The following RALB variants were observed in gnomAD, a reference collection of about 807,000 sequenced individuals.
RALB encodes the protein RAS like proto-oncogene B, also known as ras-related protein Ral-B.
A neutral mutation model predicts 21.3 loss-of-function variants in RALB; 16 were observed. That is an observed-to-expected ratio of 0.75 (90% CI 0.51 to 1.14). RALB has a LOEUF of 1.14. Ranked by LOEUF, RALB falls within the 50% of genes most tolerant of loss-of-function variation. The pLI, the probability that RALB is intolerant of heterozygous loss-of-function variation, is 0.00. For missense variants in RALB, 161 were observed against 256.2 expected (o/e 0.63, Z 2.54); for synonymous variants, 93 against 96.1 (o/e 0.97, Z 0.19).
chr2:120,285,157 T>G (rs1690099300), intron 2 of RALB, among the ~76,000 whole-genome samples: 2 of 152,074 alleles, frequency 1.3e-5, no homozygotes, highest in Non-Finnish European at 2.9e-5. Flanking sequence ...AGCAAACATG[T>G]CCTTCACAAG....
intron 1 of RALB, among the ~76,000 whole-genome samples, chr2:120,253,996 G>A (rs1300682169): frequency 1.3e-5 from 2 of 152,146 alleles, no homozygotes; most frequent in African/African-American, 4.8e-5. Context: ...AAGATTGTTG[G>A]ATGTCAAAGC....
chr2:120,272,264 G>A (rs574206181), intron 1 of RALB, among the ~76,000 whole-genome samples: 262 of 152,294 alleles, frequency 1.7e-3, no homozygotes, highest in African/African-American at 6.1e-3. Flanking sequence ...CTACCCTTAT[G>A]ATCTTATGGT....
In RALB at chr2:120,292,433, C is replaced by G. The variant is rs1040869001; in HGVS notation, c.502-708C>G. On this transcript the variant is annotated intron_variant, in intron 4 of 4. Coordinates refer to ENST00000272519, the MANE Select transcript of RALB (RefSeq NM_002881.3). ...CTGTCATGCATAATGATGTTCCAAC[C>G]TCCATGGGGTCCTTGTAAGGATTAA... 2.0e-5 allele frequency among the ~76,000 whole-genome samples: 3 copies of G among 152,160 alleles called. No homozygotes were observed. The South Asian group carries it at 6.2e-4, about 32-fold the overall frequency.
intron 1 of RALB, among the ~76,000 whole-genome samples, chr2:120,268,914 CTTTG>C (rs1689574417): frequency 7.1e-6 from 1 of 140,204 alleles, no homozygotes; most frequent in African/African-American, 2.8e-5. Flanking sequence ...TACAATAATT[CTTTG>C]TTTATATATA....
At chr2:120,283,048 T>A (rs933601354) in intron 2 of RALB, among the ~76,000 whole-genome samples, 1 of 151,964 alleles carries the variant, frequency 6.6e-6, no homozygotes, top group Non-Finnish European at 1.5e-5. Flanking sequence ...CTGAATAATA[T>A]TGGTGGAGTT....
chr2:120,251,632 T>C (rs997025253), upstream of RALB, among the ~76,000 whole-genome samples: 12 of 152,230 alleles, frequency 7.9e-5, no homozygotes, highest in African/African-American at 2.9e-4. Context: ...ATTCCTCTTC[T>C]AGGTTATAAA....
chr2:120,267,978 G>A (rs1689544477), intron 1 of RALB, among the ~76,000 whole-genome samples: 1 of 152,094 alleles, frequency 6.6e-6, no homozygotes, highest in Admixed American at 6.6e-5. Flanking sequence ...TTTTAGTAGA[G>A]ACGGGGTTTC....
In RALB at chr2:120,252,893, G is replaced by C. The variant is rs745372350; in HGVS notation, c.-135G>C. ...GCTCAATGACAAATCGGTGGAGGAC[G>C]GCTGGGGTCCGGCCCCGGGAGGGGG... On this transcript the variant is annotated 5_prime_UTR_variant, in exon 1 of 5. Coordinates refer to ENST00000272519, the MANE Select transcript of RALB (RefSeq NM_002881.3). The C allele has an allele frequency of 1.8e-4, 174 of 985,566 alleles. No individual in the cohort carries two copies. The highest frequency in any genetic ancestry group is 2.0e-4 in the Non-Finnish European group (170 of 830,042). 61.1% of individuals were successfully genotyped at this position (985,566 alleles called of 1,614,324 possible).
Position 120,293,271 on chromosome 2 carries a change from G to A in RALB, c.*11G>A. On this transcript the variant is annotated 3_prime_UTR_variant, in exon 5 of 5. Transcript: ENST00000272519. ...TGTTGCTTACTATGAGTGTCAAGGT[G>A]ACGGATGAAGCCAGCTGCTCCTAAG... is the stretch of plus-strand genomic sequence containing the variant. 1 of 1,606,728 alleles carries A rather than the reference G, an allele frequency of 6.2e-7. No homozygotes were observed. Among genetic ancestry groups the A allele is most frequent in the Non-Finnish European group, 8.5e-7 (1 of 1,176,390 alleles).
chr2:120,252,181 G>A (rs1689069666), upstream of RALB, among the ~76,000 whole-genome samples: 1 of 152,146 alleles, frequency 6.6e-6, no homozygotes, highest in Non-Finnish European at 1.5e-5. Flanking sequence ...AGCTGTACTG[G>A]ATACAAAATC....
At chr2:120,241,738 A>AAAAAC (rs1242316346) in intron 1 of RALB, among the ~76,000 whole-genome samples, 2 of 152,162 alleles carry the variant, frequency 1.3e-5, no homozygotes, top group African/African-American at 2.4e-5. Context: ...AAAAAAACAA[A>AAAAAC]AAAACAAAAC....
At chr2:120,248,974 G>C (rs1410650709), upstream of RALB, among the ~76,000 whole-genome samples, 1 of 151,584 alleles carries the variant, frequency 6.6e-6, no homozygotes, top group Non-Finnish European at 1.5e-5. Flanking sequence ...CTGACCCAGA[G>C]TAATCTTTTT....
At chr2:120,244,775 G>T (rs1443278205) in intron 1 of RALB, among the ~76,000 whole-genome samples, 1 of 152,206 alleles carries the variant, frequency 6.6e-6, no homozygotes, top group African/African-American at 2.4e-5. Context: ...ATGACCTCTG[G>T]TTAGCCAGAG....
At chr2:120,277,878 T>TGC (rs368964517) in intron 1 of RALB, among the ~76,000 whole-genome samples, 1 of 17,830 alleles carries the variant, frequency 5.6e-5, no homozygotes, top group African/African-American at 3.2e-4. Context: ...TGTGAGAACA[T>TGC]GAGTGTGAAA....
intron 1 of RALB, among the ~76,000 whole-genome samples, chr2:120,246,048 C>T (rs1410331041): frequency 6.6e-6 from 1 of 152,252 alleles, no homozygotes; most frequent in Non-Finnish European, 1.5e-5. Flanking sequence ...CACCACCCCG[C>T]ATTCCTCGAG....
At chr2:120,244,460 C>T (rs997622074) in intron 1 of RALB, among the ~76,000 whole-genome samples, 5 of 152,184 alleles carry the variant, frequency 3.3e-5, no homozygotes, top group African/African-American at 9.7e-5. Flanking sequence ...CTGTGTGTCT[C>T]GCAGAGCCTC....
rs1269076355 is a variant in RALB at position 120,294,112 on chromosome 2, G to A, written c.*852G>A. On this transcript the variant is annotated 3_prime_UTR_variant, in exon 5 of 5. Transcript: ENST00000272519. ...TGGTTAGGCCCCTCCCTCTCCACTA[G>A]TGGTGAATGCATGTGTCTGTCTGAT... is the stretch of plus-strand genomic sequence containing the variant. 2.5e-6 allele frequency: 1 copy of A among 398,480 alleles called. No homozygotes were observed. Among genetic ancestry groups the A allele is most frequent in the African/African-American group, 2.1e-5 (1 of 48,624 alleles). The allele number at this position is 398,480 out of a possible 1,614,324, so 24.7% of individuals were successfully genotyped here.
intron 1 of RALB, among the ~76,000 whole-genome samples, chr2:120,268,964 A>C (rs190600753): frequency 6.6e-6 from 1 of 152,118 alleles, no homozygotes; most frequent in Non-Finnish European, 1.5e-5. Flanking sequence ...ACATTGTATT[A>C]TATGTTTTCT....
intron 3 of RALB, among the ~76,000 whole-genome samples, chr2:120,286,396 C>G (rs1211494358): frequency 1.3e-5 from 2 of 152,114 alleles, no homozygotes; most frequent in Non-Finnish European, 2.9e-5. Context: ...TATAAATACT[C>G]AGAGATTTTC....
Sources: gnomAD v4.1 joint callset for allele counts (sites outside exome capture counted in the v4.1 genomes callset) on GRCh38, gnomAD v4.1.1 for gene constraint, MANE v1.5 for transcripts, NCBI Gene and HGNC (gene_info 2026-07-23, HGNC 2026-07-21) for gene names.